Variants in FNDC3A observed in about 807,000 individuals in gnomAD.
FNDC3A encodes fibronectin type III domain containing 3A.
FNDC3A carries 32 observed loss-of-function variants against 148.9 expected under a neutral mutation model. The ratio of observed to expected loss-of-function variants is 0.21; its 90% CI spans 0.16 to 0.29. FNDC3A has a LOEUF of 0.29. FNDC3A is among the 10% of genes least tolerant of loss of function. The probability of loss-of-function intolerance (pLI) is 1.00; values close to 1 mark genes in which losing one functional copy is unlikely to be tolerated. For missense variants in FNDC3A, 1,191 were observed against 1,452.8 expected, an observed-to-expected ratio of 0.82 and a Z score of 2.93; for synonymous variants, 472 against 473.6, an observed-to-expected ratio of 1.00 and a Z score of 0.04.
chr13:49,011,351 A>T (rs1392382968), intron 2 of FNDC3A, among the ~76,000 whole-genome samples: 1 of 151,922 alleles, frequency 6.6e-6, no homozygotes, highest in African/African-American at 2.4e-5. Flanking sequence ...CTCCTGCCTC[A>T]GCCTCCCAAG....
intron 6 of FNDC3A, among the ~76,000 whole-genome samples, chr13:49,137,338 G>A (rs2137943337): frequency 6.6e-6 from 1 of 151,424 alleles, no homozygotes; most frequent in Non-Finnish European, 1.5e-5. Flanking sequence ...TTGTTTTATT[G>A]GTTTTTGTTT....
intron 2 of FNDC3A, among the ~76,000 whole-genome samples, chr13:49,055,346 A>G (rs948985378): frequency 3.3e-5 from 5 of 151,308 alleles, no homozygotes; most frequent in Non-Finnish European, 7.4e-5. Flanking sequence ...AGGCCCCCCA[A>G]CCATCTGAAT....
chr13:49,126,089 A>G (rs943477701), intron 4 of FNDC3A, among the ~76,000 whole-genome samples: 3 of 152,100 alleles, frequency 2.0e-5, no homozygotes, highest in African/African-American at 7.2e-5. Flanking sequence ...TCTGACCTCT[A>G]CATGATGGCC....
chr13:49,106,773 C>CAAAAAAAAAAAAAAAAAAAAAACAA (rs543962565), intron 3 of FNDC3A, among the ~76,000 whole-genome samples: 11 of 79,848 alleles, frequency 1.4e-4, no homozygotes, highest in African/African-American at 2.1e-4. Context: ...TGAATGAAAG[C>CAAAAAAAAAAAAAAAAAAAAAACAA]AAAAAAAAAA....
At chr13:49,003,704 T>C (rs889894559) in intron 1 of FNDC3A, among the ~76,000 whole-genome samples, 1 of 152,142 alleles carries the variant, frequency 6.6e-6, no homozygotes, top group Non-Finnish European at 1.5e-5. Context: ...ATCTGCAACC[T>C]CTCTGACATT....
At chr13:49,031,770 T>G (rs1018994496) in intron 2 of FNDC3A, among the ~76,000 whole-genome samples, 5 of 152,130 alleles carry the variant, frequency 3.3e-5, no homozygotes, top group South Asian at 2.1e-4. Context: ...AGAAGAAAAA[T>G]GAGATACAGT....
chr13:49,046,977 A>T (rs983836113), intron 2 of FNDC3A, among the ~76,000 whole-genome samples: 1 of 152,020 alleles, frequency 6.6e-6, no homozygotes, highest in African/African-American at 2.4e-5. Context: ...ACTGTACCCA[A>T]TGTGTAGTCT....
intron 4 of FNDC3A, among the ~76,000 whole-genome samples, chr13:49,119,240 C>A (rs1019148679): frequency 2.6e-5 from 4 of 152,174 alleles, no homozygotes; most frequent in Non-Finnish European, 5.9e-5. Context: ...CCAGCAAACT[C>A]CAGCAGACCT....
chr13:49,033,480 A>G (rs1173113971), intron 2 of FNDC3A, among the ~76,000 whole-genome samples: 1 of 152,128 alleles, frequency 6.6e-6, no homozygotes, highest in East Asian at 1.9e-4. Flanking sequence ...AGAGTTTGTA[A>G]AGGGTGACTT....
intron 2 of FNDC3A, among the ~76,000 whole-genome samples, chr13:49,035,940 TTC>T (rs1362220409): frequency 6.6e-6 from 1 of 152,142 alleles, no homozygotes; most frequent in Non-Finnish European, 1.5e-5. Context: ...AAATCTTAAT[TTC>T]TATTTTGACT....
intron 2 of FNDC3A, among the ~76,000 whole-genome samples, chr13:49,010,507 GC>G (rs1952318142): frequency 6.6e-6 from 1 of 152,138 alleles, no homozygotes; most frequent in Admixed American, 6.5e-5. Context: ...AATATAATTG[GC>G]CCTGTGATGA....
rs56118267 is a variant in FNDC3A at position 49,206,384 on chromosome 13, AGTT to A, written c.3283-696_3283-694del. On this transcript the variant is annotated intron_variant, in intron 25 of 25. Coordinates refer to ENST00000492622, the MANE Select transcript of FNDC3A (RefSeq NM_001079673.2). ...ATTATTGGAACACTAAGCTTGTGGT[AGTT>A]ATTTATATCTCACTGATCAAGGTTA... Among the ~76,000 whole-genome samples the A allele has an allele frequency of 4.3e-3, 660 of 152,166 alleles. 2 individuals are homozygous for A. Among genetic ancestry groups the A allele is most frequent in the Non-Finnish European group, 6.8e-3 (465 of 67,988 alleles).
intron 8 of FNDC3A, among the ~76,000 whole-genome samples, chr13:49,164,790 T>A (rs1205370537): frequency 6.6e-6 from 1 of 152,172 alleles, no homozygotes; most frequent in Non-Finnish European, 1.5e-5. Flanking sequence ...TTTGCATTTT[T>A]AGTAGAAATG....
At chr13:49,129,938 T>C (rs1024830300) in intron 4 of FNDC3A, among the ~76,000 whole-genome samples, 2 of 152,172 alleles carry the variant, frequency 1.3e-5, no homozygotes, top group Admixed American at 6.5e-5. Context: ...ATAATAAACC[T>C]TTGCCTTCCT....
chr13:49,035,985 A>G (rs1874463480), intron 2 of FNDC3A, among the ~76,000 whole-genome samples: 1 of 152,154 alleles, frequency 6.6e-6, no homozygotes, highest in Non-Finnish European at 1.5e-5. Flanking sequence ...CTGTCAGTCT[A>G]CAGATTGACA....
At chr13:49,058,364 T>C (rs544538192) in intron 2 of FNDC3A, among the ~76,000 whole-genome samples, 1 of 152,262 alleles carries the variant, frequency 6.6e-6, no homozygotes, top group Admixed American at 6.5e-5. Context: ...GGGGTCGATC[T>C]AACTACCAGG....
intron 2 of FNDC3A, among the ~76,000 whole-genome samples, chr13:49,013,621 C>CAT (rs1952417201): frequency 6.6e-6 from 1 of 150,992 alleles, no homozygotes; most frequent in African/African-American, 2.4e-5. Context: ...CATGTGTACA[C>CAT]GTGTATACAT....
intron 4 of FNDC3A, among the ~76,000 whole-genome samples, chr13:49,125,361 A>G (rs1881631802): frequency 6.6e-6 from 1 of 152,216 alleles, no homozygotes; most frequent in African/African-American, 2.4e-5. Context: ...TTGTGATCAC[A>G]TACTGTTGTA....
chr13:49,183,568 A>G (rs1420894669), intron 14 of FNDC3A, among the ~76,000 whole-genome samples: 1 of 152,238 alleles, frequency 6.6e-6, no homozygotes, highest in African/African-American at 2.4e-5. Context: ...ATGTTGAACT[A>G]TAGAGCCTTA....
Sources: allele counts gnomAD v4.1 joint callset (sites outside exome capture counted in the v4.1 genomes callset), GRCh38; gene constraint gnomAD v4.1.1; transcripts MANE v1.5; gene names NCBI Gene and HGNC (gene_info 2026-07-23, HGNC 2026-07-21).